Variants in CD8B observed in about 807,000 individuals in gnomAD.
CD8B encodes the protein T-cell surface glycoprotein CD8 beta chain.
CD8B carries 6 observed loss-of-function variants against 24.2 expected under a neutral mutation model. The ratio of observed to expected loss-of-function variants is 0.25; its 90% CI spans 0.14 to 0.49. The LOEUF (loss-of-function observed/expected upper bound fraction) is 0.49. Ranked by LOEUF, CD8B falls within the 20% of genes least tolerant of loss-of-function variation. CD8B has a pLI of 0.98. For missense variants in CD8B, 196 were observed against 271.3 expected, an observed-to-expected ratio of 0.72 and a Z score of 1.95; for synonymous variants, 84 against 108.3, an observed-to-expected ratio of 0.78 and a Z score of 1.39.
At chr2:86,831,624 G>C (rs1674908277) in intron 5 of CD8B, among the ~76,000 whole-genome samples, 1 of 152,144 alleles carries the variant, frequency 6.6e-6, no homozygotes, top group Admixed American at 6.6e-5. Context: ...CCCTCTGCTG[G>C]GACCCACAGA....
downstream of CD8B, among the ~76,000 whole-genome samples, chr2:86,834,674 C>T (rs1321124994): frequency 1.3e-5 from 2 of 152,200 alleles, no homozygotes; most frequent in African/African-American, 2.4e-5. Flanking sequence ...CAGTGGCTCA[C>T]GCCTGAAATC....
chr2:86,846,420 G>A (rs1250179235), intron 4 of CD8B, among the ~76,000 whole-genome samples: 3 of 152,052 alleles, frequency 2.0e-5, no homozygotes, highest in Non-Finnish European at 2.9e-5. Flanking sequence ...TGAGGCAGCC[G>A]AGGCTCAGAG....
At chr2:86,845,689 G>A (rs962897372) in intron 4 of CD8B, among the ~76,000 whole-genome samples, 3 of 152,020 alleles carry the variant, frequency 2.0e-5, no homozygotes, top group Admixed American at 6.6e-5. Context: ...AGCTGTATTC[G>A]CTTATTTAAT....
At chr2:86,817,574 A>G (rs1489698836) in intron 5 of CD8B, among the ~76,000 whole-genome samples, 1 of 152,218 alleles carries the variant, frequency 6.6e-6, no homozygotes, top group Non-Finnish European at 1.5e-5. Flanking sequence ...CACATGCCAT[A>G]TATTATTCAT....
chr2:86,854,202 G>A (rs1242162115), intron 2 of CD8B, among the ~76,000 whole-genome samples: 1 of 152,082 alleles, frequency 6.6e-6, no homozygotes, highest in African/African-American at 2.4e-5. Flanking sequence ...TTCAGTAGAT[G>A]TGGCTCCACC....
intron 2 of CD8B, among the ~76,000 whole-genome samples, chr2:86,854,522 C>A (rs534739693): frequency 2.0e-5 from 3 of 152,252 alleles, no homozygotes; most frequent in Admixed American, 2.0e-4. Flanking sequence ...TGTTGGGACC[C>A]CAAACCCCTG....
At chr2:86,849,222 T>C (rs1202189085) in intron 3 of CD8B, among the ~76,000 whole-genome samples, 1 of 152,194 alleles carries the variant, frequency 6.6e-6, no homozygotes, top group Non-Finnish European at 1.5e-5. Context: ...AGTGGGCTGC[T>C]ACATGGGTGG....
chr2:86,815,669 C>T, exon 6 of CD8B: 16 of 1,613,684 alleles, frequency 9.9e-6, no homozygotes, highest in Non-Finnish European at 1.3e-5. Context: ...CTGTAGTATC[C>T]ATGCAGGCAT....
chr2:86,829,095 CTTTTTTT>C (rs746569858), intron 5 of CD8B, among the ~76,000 whole-genome samples: 14 of 82,992 alleles, frequency 1.7e-4, no homozygotes, highest in Admixed American at 3.8e-4. Flanking sequence ...ATGCTCTTTA[CTTTTTTT>C]TTTTTTTTTT....
At chr2:86,844,981 CCAGT>C (rs773063562) in intron 4 of CD8B, 23 bp from the exon 5 acceptor site, 2 of 1,556,696 alleles carry the variant, frequency 1.3e-6, no homozygotes, top group South Asian at 2.4e-5. Context: ...AGCAAGGGCG[CCAGT>C]CAGTGTGGGC....
rs60980294 is a variant in CD8B at position 86,846,927 on chromosome 2, A to ATTTTT, written c.494-159_494-155dup. On this transcript the variant is annotated intron_variant, in intron 3 of 5. Transcript: ENST00000390655. ...CGATGTAATGTATTTTTCCTCAAGT[A>ATTTTT]TTTTTTTTTTTTTTTTTTTTTTTTT... 2.0e-4 allele frequency among the ~76,000 whole-genome samples: 12 copies of ATTTTT among 58,858 alleles called. 1 individual carries two copies. The highest frequency in any genetic ancestry group is 3.7e-4 in the Admixed American group (2 of 5,432). 38.6% of individuals were successfully genotyped at this position (58,858 alleles called of 152,430 possible).
At chr2:86,826,570 C>G (rs989531738) in intron 5 of CD8B, among the ~76,000 whole-genome samples, 1 of 152,090 alleles carries the variant, frequency 6.6e-6, no homozygotes, top group African/African-American at 2.4e-5. Context: ...TGGAAAGAAC[C>G]CTAACGACCA....
intron 4 of CD8B, among the ~76,000 whole-genome samples, chr2:86,846,378 C>G (rs1243245107): frequency 1.3e-5 from 2 of 152,108 alleles, no homozygotes; most frequent in Admixed American, 1.3e-4. Context: ...CAAACAGCAA[C>G]TCTGGGAGGT....
intron 5 of CD8B, among the ~76,000 whole-genome samples, chr2:86,820,839 C>A (rs1674436379): frequency 6.6e-6 from 1 of 152,164 alleles, no homozygotes; most frequent in Admixed American, 6.5e-5. Flanking sequence ...ACAATGCTAG[C>A]AGCTACCATT....
At chr2:86,846,935 T>C (rs1289548607) in intron 3 of CD8B, among the ~76,000 whole-genome samples, 162 bp from the exon 4 acceptor site, 6 of 125,940 alleles carry the variant, frequency 4.8e-5, no homozygotes, top group Non-Finnish European at 8.3e-5. Flanking sequence ...GTATTTTTTT[T>C]TTTTTTTTTT....
chr2:86,848,144 G>A (rs959133387), intron 3 of CD8B, among the ~76,000 whole-genome samples: 6 of 152,102 alleles, frequency 3.9e-5, no homozygotes, highest in South Asian at 2.1e-4. Context: ...TACTGAGAAC[G>A]GGAACTACTA....
rs536689615 is a variant in CD8B, at chr2:86,839,249, G to A, written c.*3058C>T. Among the ~76,000 whole-genome samples the A allele has an allele frequency of 6.6e-6, 1 of 152,098 alleles. No individual in the cohort carries two copies. Among genetic ancestry groups the A allele is most frequent in the African/African-American group, 2.4e-5 (1 of 41,422 alleles). On this transcript the variant is annotated 3_prime_UTR_variant, in exon 6 of 6. Coordinates refer to ENST00000390655, the MANE Select transcript of CD8B (RefSeq NM_004931.5). ...GGATCTAGCTCATTCCTTAGCAGCC[G>A]CCTAAACCCCCTTATTAGACTGTGT...
intron 5 of CD8B, among the ~76,000 whole-genome samples, chr2:86,821,576 C>T (rs1674472828): frequency 6.6e-6 from 1 of 152,184 alleles, no homozygotes; most frequent in Non-Finnish European, 1.5e-5. Flanking sequence ...AGGCCGAGTT[C>T]GGTTGTTGCT....
At chr2:86,851,889 A>G (rs1463526415) in intron 3 of CD8B, among the ~76,000 whole-genome samples, 1 of 152,252 alleles carries the variant, frequency 6.6e-6, no homozygotes, top group African/African-American at 2.4e-5. Context: ...AGCATAGAGA[A>G]GCAAATGTGT....
Sources: gnomAD v4.1 joint callset for allele counts (sites outside exome capture counted in the v4.1 genomes callset) on GRCh38, gnomAD v4.1.1 for gene constraint, MANE v1.5 for transcripts, NCBI Gene and HGNC (gene_info 2026-07-23, HGNC 2026-07-21) for gene names.